GRIN2A: variants seen among roughly 807,000 people sequenced by gnomAD.
GRIN2A encodes glutamate receptor ionotropic, NMDA 2A.
GRIN2A carries 22 observed loss-of-function variants against 113.4 expected under a neutral mutation model. The ratio of observed to expected loss-of-function variants is 0.19; its 90% CI spans 0.14 to 0.28. The LOEUF is 0.28. Among genes scored for constraint, GRIN2A ranks in the 10% least tolerant of loss-of-function variants. The pLI is 1.00. For synonymous variants in GRIN2A, 827 were observed against 738.4 expected, an observed-to-expected ratio of 1.12 and a Z score of -1.94; for missense variants, 1,502 against 1,887.0, an observed-to-expected ratio of 0.80 and a Z score of 3.78.
chr16:9,815,084 G>A (rs944604658), intron 10 of GRIN2A, among the ~76,000 whole-genome samples: 2 of 150,698 alleles, frequency 1.3e-5, no homozygotes, highest in African/African-American at 4.9e-5. Flanking sequence ...CTGTGCTCTA[G>A]GATAGGAATT....
intron 5 of GRIN2A, among the ~76,000 whole-genome samples, chr16:9,841,387 T>G (rs188590100): frequency 1.3e-5 from 2 of 152,314 alleles, no homozygotes; most frequent in Admixed American, 1.3e-4. Context: ...CATGACATTT[T>G]CTGAATTAGT....
intron 2 of GRIN2A, among the ~76,000 whole-genome samples, chr16:10,084,167 C>A (rs1241680300): frequency 6.6e-6 from 1 of 152,156 alleles, no homozygotes; most frequent in Non-Finnish European, 1.5e-5. Context: ...AGGCTTAGAA[C>A]CTGGTGACAT....
intron 2 of GRIN2A, among the ~76,000 whole-genome samples, chr16:9,946,492 C>T (rs1357122860): frequency 6.6e-6 from 1 of 152,144 alleles, no homozygotes; most frequent in African/African-American, 2.4e-5. Flanking sequence ...TTCTTCAGAT[C>T]CCTTTTTTTT....
At chr16:10,016,432 T>C (rs947769781) in intron 2 of GRIN2A, among the ~76,000 whole-genome samples, 4 of 152,016 alleles carry the variant, frequency 2.6e-5, no homozygotes, top group African/African-American at 9.7e-5. Context: ...AGAAGGACTA[T>C]TGCCCCACAG....
chr16:10,057,898 C>T (rs2142000424), intron 2 of GRIN2A, among the ~76,000 whole-genome samples: 1 of 152,320 alleles, frequency 6.6e-6, no homozygotes, highest in South Asian at 2.1e-4. Flanking sequence ...GTGCCAACGA[C>T]CACTTTGGCA....
intron 2 of GRIN2A, among the ~76,000 whole-genome samples, chr16:10,051,429 T>G (rs1039732265): frequency 2.0e-5 from 3 of 152,172 alleles, no homozygotes; most frequent in African/African-American, 7.2e-5. Context: ...GGCATTGCCT[T>G]TTCACAGGAG....
intron 2 of GRIN2A, among the ~76,000 whole-genome samples, chr16:9,999,038 A>G (rs971945444): frequency 2.0e-5 from 3 of 152,198 alleles, no homozygotes; most frequent in African/African-American, 7.2e-5. Flanking sequence ...ATTAAATTAG[A>G]GGTTCCAACA....
chr16:10,134,558 A>T (rs1346940124), intron 2 of GRIN2A, among the ~76,000 whole-genome samples: 1 of 152,150 alleles, frequency 6.6e-6, no homozygotes, highest in Non-Finnish European at 1.5e-5. Flanking sequence ...GCAAACCAAC[A>T]GGGGACATGT....
At chr16:9,891,771 G>A (rs2043698977) in intron 3 of GRIN2A, among the ~76,000 whole-genome samples, 2 of 152,170 alleles carry the variant, frequency 1.3e-5, no homozygotes, top group Non-Finnish European at 1.5e-5. Context: ...GGCAAAAGAG[G>A]CAACATGTGC....
At chr16:10,126,958 C>T (rs1383934923) in intron 2 of GRIN2A, among the ~76,000 whole-genome samples, 2 of 152,096 alleles carry the variant, frequency 1.3e-5, no homozygotes, top group African/African-American at 4.8e-5. Context: ...AAACAAAGAG[C>T]CTTTTCTGGG....
Position 9,768,914 on chromosome 16 carries a change from C to T in GRIN2A, c.2532G>A (p.Lys844=), listed in dbSNP as rs754414929. 1.7e-5 allele frequency: 27 copies of T among 1,614,206 alleles called. No individual in the cohort carries two copies. In the East Asian group the frequency reaches 5.8e-4, roughly 35 times the overall value. The part of the protein sequence containing the change: ...TFIWEHLFYW[K]LRFCFTGVCS... ...ACACGCCCGTGAAACAGAAGCGCAG[C>T]TTCCAGTAGAAGAGGTGCTCCCAGA... Residue 844 remains lysine (K), a synonymous_variant, in exon 12 of 13, where the codon AAG becomes AAA. Coordinates refer to ENST00000330684, the MANE Select transcript of GRIN2A (RefSeq NM_001134407.3).
At chr16:10,096,597 T>C (rs1198138999) in intron 2 of GRIN2A, among the ~76,000 whole-genome samples, 1 of 149,572 alleles carries the variant, frequency 6.7e-6, no homozygotes, top group South Asian at 2.1e-4. Context: ...CCGGTCAGCA[T>C]AGACTTCCAG....
chr16:9,909,867 C>G (rs879552620), intron 3 of GRIN2A, among the ~76,000 whole-genome samples: 1 of 152,114 alleles, frequency 6.6e-6, no homozygotes, highest in Non-Finnish European at 1.5e-5. Context: ...AAGATTAGGT[C>G]AATGTAGGTA....
At chr16:10,147,785 G>C (rs759635640) in intron 2 of GRIN2A, among the ~76,000 whole-genome samples, 4 of 152,252 alleles carry the variant, frequency 2.6e-5, no homozygotes, top group Non-Finnish European at 4.4e-5. Flanking sequence ...TCCCTCTGTA[G>C]ATAATTCTCC....
intron 2 of GRIN2A, among the ~76,000 whole-genome samples, chr16:9,947,140 C>T (rs1343170167): frequency 1.3e-5 from 2 of 152,154 alleles, no homozygotes; most frequent in Non-Finnish European, 1.5e-5. Context: ...CCTTTTCTTA[C>T]CATTCTTCTC....
In GRIN2A at chr16:9,759,827, T is replaced by C. The variant is rs1187339189; in HGVS notation, c.*3322A>G. 4.4e-6 allele frequency: 1 copy of C among 229,396 alleles called. No individual in the cohort carries two copies. The highest frequency in any genetic ancestry group is 8.6e-6 in the Non-Finnish European group (1 of 115,720). The allele number at this position is 229,396 out of a possible 1,614,324, so 14.2% of individuals were successfully genotyped here. On this transcript the variant is annotated 3_prime_UTR_variant, in exon 13 of 13. Transcript: ENST00000330684. ...CAGCTCAGAGCATTGAAACCATAAG[T>C]GGCCTAAGAACCTGCAGATGTAAGG...
rs115408861 is a variant in GRIN2A, at chr16:9,843,200, T to G, written c.1329-2096A>C. Among the ~76,000 whole-genome samples the G allele has an allele frequency of 8.4e-3, 1,269 of 151,720 alleles. 21 individuals carry two copies. The highest frequency in any genetic ancestry group is 0.029 in the African/African-American group (1,199 of 41,340). ...TGTTTTCTTTTTTACATTTTTAGGG[T>G]TTTTCCCCAAATTATCTAGTAAGTA... On this transcript the variant is annotated intron_variant, in intron 5 of 12. Coordinates refer to ENST00000330684, the MANE Select transcript of GRIN2A (RefSeq NM_001134407.3).
At chr16:9,769,121 G>C in intron 11 of GRIN2A, 32 bp from the exon 12 acceptor site, 1 of 1,536,502 alleles carries the variant, frequency 6.5e-7, no homozygotes, top group South Asian at 1.1e-5. Context: ...CAGGCAGTGA[G>C]GACCAGAACA....
intron 4 of GRIN2A, among the ~76,000 whole-genome samples, chr16:9,863,370 G>A (rs781434879): frequency 4.0e-5 from 6 of 148,922 alleles, no homozygotes; most frequent in Non-Finnish European, 8.9e-5. Context: ...AGGAGGTGGG[G>A]AGAAAGCAGC....
Sources: allele counts gnomAD v4.1 joint callset (sites outside exome capture counted in the v4.1 genomes callset), GRCh38; gene constraint gnomAD v4.1.1; transcripts MANE v1.5; gene names NCBI Gene and HGNC (gene_info 2026-07-23, HGNC 2026-07-21).